Variants in GIPR observed in about 807,000 individuals in gnomAD.
The protein encoded by GIPR is GIP-R.
A neutral mutation model predicts 62.2 loss-of-function variants in GIPR; 74 were observed. That is an observed-to-expected ratio of 1.19 (90% CI 0.99 to 1.44). GIPR has a LOEUF of 1.44. Ranked by LOEUF, GIPR falls within the 40% of genes most tolerant of loss-of-function variation. GIPR has a pLI of 0.00. For synonymous variants in GIPR, 256 were observed against 262.2 expected, an observed-to-expected ratio of 0.98 and a Z score of 0.23; for missense variants, 664 against 611.8, an observed-to-expected ratio of 1.09 and a Z score of -0.90.
At chr19:45,676,921 C>T (rs1412376060) in intron 7 of GIPR, 28 bp from the exon 8 acceptor site, 3 of 1,610,528 alleles carry the variant, frequency 1.9e-6, no homozygotes, top group South Asian at 1.1e-5. Flanking sequence ...GCGCTGACTA[C>T]CCCTCTACCG....
intron 11 of GIPR, 27 bp downstream of exon 11, chr19:45,678,021 G>A: frequency 6.2e-7 from 1 of 1,612,448 alleles, no homozygotes; most frequent in Non-Finnish European, 8.5e-7. Context: ...GGGACCGAGG[G>A]GAAGGGGCCG....
At position 45,682,300 on chromosome 19, in the gene GIPR, C is replaced by T. The variant is rs1050602956; in HGVS notation, c.*365C>T. ...AGGCAAAGGCCCTTGGGCAGGAAGG[C>T]GCTCAGCCTTGGCTGGAGTAGAATT... is the stretch of plus-strand genomic sequence containing the variant. On this transcript the variant is annotated 3_prime_UTR_variant, in exon 14 of 14. Coordinates refer to ENST00000590918, the MANE Select transcript of GIPR (RefSeq NM_000164.4). 2 of 252,460 alleles carry T rather than the reference C, an allele frequency of 7.9e-6. No individual in the cohort carries two copies. Among genetic ancestry groups the T allele is most frequent in the South Asian group, 5.3e-5 (1 of 18,972 alleles). The allele number at this position is 252,460 out of a possible 1,614,324, so 15.6% of individuals were successfully genotyped here. A position where few individuals can be genotyped will look rare whatever the true frequency, so the allele number is the denominator to read the frequency against.
chr19:45,669,332 T>C, intron 1 of GIPR, 145 bp from the exon 2 acceptor site: 1 of 742,156 alleles, frequency 1.3e-6, no homozygotes, highest in East Asian at 2.9e-5. Flanking sequence ...CGCCTGGGAG[T>C]TGCGGGAGCG....
Position 45,678,084 on chromosome 19 carries a change from C to T in GIPR, c.1014-4C>T, listed in dbSNP as rs745927330. On this transcript the variant is annotated splice_region_variant and splice_polypyrimidine_tract_variant and intron_variant, in intron 11 of 13. Transcript: ENST00000590918. ...GGATCACTGCTGCCGCCCTCTCTCC[C>T]CAGGCTGGCTCGCTCCACGCTGACG... The T allele has an allele frequency of 3.1e-6, 5 of 1,612,444 alleles. No individual in the cohort carries two copies. Among genetic ancestry groups the T allele is most frequent in the Non-Finnish European group, 4.2e-6 (5 of 1,179,980 alleles).
At position 45,678,092 on chromosome 19, in the gene GIPR, GC is replaced by G; in HGVS notation, c.1019del (p.Ala340ValfsTer5). ...MRCRDYRLRL[A>X]RSTLTLVPLL... Reference sequence around the variant, plus strand: ...GCTGCCGCCCTCTCTCCCCAGGCTGGCTCGCTCCACGCTGACGCTGGTGCCC... The same window carrying G: ...GCTGCCGCCCTCTCTCCCCAGGCTGGTCGCTCCACGCTGACGCTGGTGCCC... On this transcript the variant is annotated frameshift_variant, in exon 12 of 14. Transcript: ENST00000590918. LOFTEE classifies it high-confidence loss of function. 2 of 1,612,404 alleles carry G rather than the reference GC, an allele frequency of 1.2e-6. No individual in the cohort carries two copies. Among genetic ancestry groups the G allele is most frequent in the Non-Finnish European group, 1.7e-6 (2 of 1,179,948 alleles).
chr19:45,671,164 G>C (rs1975517125), intron 3 of GIPR, 121 bp from the exon 4 acceptor site: 1 of 731,310 alleles, frequency 1.4e-6, no homozygotes, highest in Non-Finnish European at 2.4e-6. Flanking sequence ...AGCCGGGCTT[G>C]GTGTGGCCGG....
At chr19:45,676,874 C>A in intron 7 of GIPR, 75 bp from the exon 8 acceptor site, 1 of 1,333,136 alleles carries the variant, frequency 7.5e-7, no homozygotes, top group Non-Finnish European at 1.1e-6. Context: ...GGTGGAAGGG[C>A]GATCAAAGCT....
intron 6 of GIPR, 159 bp from the exon 7 acceptor site, chr19:45,674,523 C>T: frequency 1.4e-6 from 1 of 700,222 alleles, no homozygotes; most frequent in Non-Finnish European, 2.5e-6. Flanking sequence ...AGGAGGATTG[C>T]TTGAGCTCAG....
chr19:45,682,006 C>A lies in GIPR; in HGVS notation c.*71C>A, dbSNP rs971050199. 1.6e-6 allele frequency: 2 copies of A among 1,288,084 alleles called. No individual in the cohort carries two copies. Among genetic ancestry groups the A allele is most frequent in the East Asian group, 2.5e-5 (1 of 39,410 alleles). 79.8% of individuals were successfully genotyped at this position (1,288,084 alleles called of 1,614,324 possible). ...TGCCAACTGCGTGCCAGGCCCAGTA[C>A]GGAGGACGCTGGGGAAATGGTGAAG... On this transcript the variant is annotated 3_prime_UTR_variant, in exon 14 of 14. Transcript: ENST00000590918.
chr19:45,677,407 G>A (rs1320503536), intron 9 of GIPR, 24 bp downstream of exon 9: 3 of 1,461,124 alleles, frequency 2.1e-6, no homozygotes, highest in Admixed American at 3.4e-5. Context: ...TCTGGGGCGG[G>A]GCGTGGGAGG....
At chr19:45,674,955 A>C in intron 7 of GIPR, 129 bp downstream of exon 7, 1 of 835,600 alleles carries the variant, frequency 1.2e-6, no homozygotes, top group Non-Finnish European at 2.0e-6. Context: ...CCCTCTCCAA[A>C]TGTGTCTTGG....
chr19:45,681,807 G>C lies in GIPR; in HGVS notation c.1273G>C (p.Glu425Gln). The C allele has an allele frequency of 6.4e-7, 1 of 1,572,352 alleles. No individual in the cohort carries two copies. The highest frequency in any genetic ancestry group is 8.6e-7 in the Non-Finnish European group (1 of 1,158,680). ...GGGCGAGGAGCAACGCCAGCTCCCGGAGCGCGCCTTCCGGGCCCTGCCCTC... is the reference window on the plus strand; with the variant it reads ...GGGCGAGGAGCAACGCCAGCTCCCGCAGCGCGCCTTCCGGGCCCTGCCCTC... ...SLGEEQRQLP[E>Q]RAFRALPSGS... The change falls in exon 14 of 14, where the codon GAG (glutamate) becomes CAG (glutamine). Residue 425 changes from glutamate (E) to glutamine (Q), a missense_variant. Transcript: ENST00000590918.
chr19:45,677,294 GT>G, intron 8 of GIPR, 28 bp from the exon 9 acceptor site: 1 of 1,472,672 alleles, frequency 6.8e-7, no homozygotes, highest in East Asian at 2.4e-5. Context: ...CTGCGGCGGG[GT>G]GGGGGGGCGG....
chr19:45,670,480 C>G, intron 2 of GIPR, 155 bp from the exon 3 acceptor site: 1 of 567,750 alleles, frequency 1.8e-6, no homozygotes, highest in South Asian at 2.5e-5. Context: ...GCACCCCACC[C>G]CAAGACTTGG....
At chr19:45,678,439 T>C (rs2146098816) in intron 12 of GIPR, 2 of 621,360 alleles carry the variant, frequency 3.2e-6, no homozygotes, top group South Asian at 1.9e-5. Flanking sequence ...TCTCGGTTCA[T>C]TGCAGCCTCT....
intron 6 of GIPR, 170 bp from the exon 7 acceptor site, chr19:45,674,512 C>G: frequency 1.5e-6 from 1 of 678,484 alleles, no homozygotes; most frequent in East Asian, 2.7e-5. Context: ...GGCGCTGAGA[C>G]AGGAGGATTG....
chr19:45,672,812 T>A, intron 4 of GIPR, 39 bp from the exon 5 acceptor site: 1 of 1,232,458 alleles, frequency 8.1e-7, no homozygotes, highest in South Asian at 1.2e-5. Context: ...TTTATCTCTT[T>A]CTCTGTGTGC....
chr19:45,676,526 C>CG (rs1454188979), intron 7 of GIPR, among the ~76,000 whole-genome samples: 2 of 149,356 alleles, frequency 1.3e-5, no homozygotes, highest in South Asian at 2.1e-4. Flanking sequence ...CTCCACCTCC[C>CG]GGGTTCAAGC....
At chr19:45,681,537 G>A in intron 12 of GIPR, 67 bp from the exon 13 acceptor site, 2 of 1,282,442 alleles carry the variant, frequency 1.6e-6, no homozygotes, top group Non-Finnish European at 2.3e-6. Flanking sequence ...AAACGGGGAG[G>A]GAGGCGCGGA....
Sources: allele counts gnomAD v4.1 joint callset (sites outside exome capture counted in the v4.1 genomes callset), GRCh38; gene constraint gnomAD v4.1.1; transcripts MANE v1.5; gene names NCBI Gene and HGNC (gene_info 2026-07-23, HGNC 2026-07-21).